NUB1: variants seen among roughly 807,000 people sequenced by gnomAD.
NUB1 encodes NEDD8 ultimate buster 1.
NUB1 carries 41 observed loss-of-function variants against 77.1 expected under a neutral mutation model. The observed-to-expected ratio is 0.53, with a 90% CI of 0.41 to 0.69. NUB1 has a LOEUF of 0.69. Ranked by LOEUF, NUB1 falls within the 30% of genes least tolerant of loss-of-function variation. The pLI is 0.00. For missense variants in NUB1, 643 were observed against 743.8 expected (o/e 0.86, Z 1.58); for synonymous variants, 257 against 281.0 (o/e 0.91, Z 0.85).
chr7:151,364,570 G>A (rs1199017779), intron 8 of NUB1, among the ~76,000 whole-genome samples: 1 of 152,032 alleles, frequency 6.6e-6, no homozygotes, highest in Non-Finnish European at 1.5e-5. Flanking sequence ...TGTCGCCCAC[G>A]CTGGAGTGCA....
chr7:151,374,165 G>C lies in NUB1; in HGVS notation c.1317G>C (p.Leu439=). 2 of 1,576,894 alleles carry C rather than the reference G, an allele frequency of 1.3e-6. No homozygotes were observed. Among genetic ancestry groups the C allele is most frequent in the South Asian group, 2.3e-5 (2 of 85,680 alleles). The change falls in exon 12 of 15, where the codon CTG becomes CTC. Residue 439 remains leucine, a synonymous_variant. Coordinates refer to ENST00000568733, the MANE Select transcript of NUB1 (RefSeq NM_001243351.2). ...KRRRLENIRF[L]KGMGYSTHAA... The stretch of plus-strand genomic sequence containing the variant: ...GCCGCCTCGAGAACATCAGGTTTCT[G>C]AAAGGGATGGGCTACTCCACGCACG...
intron 10 of NUB1, among the ~76,000 whole-genome samples, chr7:151,368,349 G>A (rs1389874095): frequency 6.6e-6 from 1 of 152,174 alleles, no homozygotes; most frequent in African/African-American, 2.4e-5. Context: ...AGATGACCCC[G>A]CAGCTGCACC....
At chr7:151,374,410 G>A (rs1284759437) in intron 12 of NUB1, 167 bp downstream of exon 12, 18 of 813,352 alleles carry the variant, frequency 2.2e-5, no homozygotes, top group African/African-American at 3.4e-5. Context: ...CACAGGCTGC[G>A]TGAGGCCACG....
In NUB1 at chr7:151,377,329, C is replaced by T. The variant is rs1798348081; in HGVS notation, c.*104C>T. 4.0e-6 allele frequency: 3 copies of T among 758,392 alleles called. No individual in the cohort carries two copies. Among genetic ancestry groups the T allele is most frequent in the South Asian group, 2.1e-5 (1 of 47,026 alleles). 47.0% of individuals were successfully genotyped at this position (758,392 alleles called of 1,614,324 possible). On this transcript the variant is annotated 3_prime_UTR_variant, in exon 15 of 15. Coordinates refer to ENST00000568733, the MANE Select transcript of NUB1 (RefSeq NM_001243351.2). Reference sequence around the variant, plus strand: ...TTACTTTTTATCTGAATTACAAGTCCTCTTTGGGTGTAGGAGGGGGTGGGC... The same window carrying T: ...TTACTTTTTATCTGAATTACAAGTCTTCTTTGGGTGTAGGAGGGGGTGGGC...
At chr7:151,351,359 C>A in intron 3 of NUB1, 65 bp from the exon 4 acceptor site, 1 of 1,218,420 alleles carries the variant, frequency 8.2e-7, no homozygotes, top group Non-Finnish European at 1.2e-6. Flanking sequence ...TTTCTGATTT[C>A]ACAGGGTAAT....
chr7:151,368,509 A>C (rs1474123273), intron 10 of NUB1, among the ~76,000 whole-genome samples: 1 of 152,224 alleles, frequency 6.6e-6, no homozygotes, highest in Non-Finnish European at 1.5e-5. Context: ...TGCAACACCC[A>C]GCCTCTTACC....
In NUB1 at chr7:151,377,317, G is replaced by GAATT. The variant is rs2150730435; in HGVS notation, c.*94_*97dup. On this transcript the variant is annotated 3_prime_UTR_variant, in exon 15 of 15. Coordinates refer to ENST00000568733, the MANE Select transcript of NUB1 (RefSeq NM_001243351.2). ...CTCTTTCTGTTCTTACTTTTTATCT[G>GAATT]AATTACAAGTCCTCTTTGGGTGTAG... 1.4e-6 allele frequency: 1 copy of GAATT among 709,948 alleles called. No homozygotes were observed. The highest frequency in any genetic ancestry group is 4.5e-5 in the East Asian group (1 of 22,368). The allele number at this position is 709,948 out of a possible 1,614,324, so 44.0% of individuals were successfully genotyped here.
Position 151,360,124 on chromosome 7 carries a change from T to C in NUB1, c.694-17T>C. 1 of 1,292,168 alleles carries C rather than the reference T, an allele frequency of 7.7e-7. No individual in the cohort carries two copies. Among genetic ancestry groups the C allele is most frequent in the Non-Finnish European group, 1.1e-6 (1 of 907,186 alleles). The allele number at this position is 1,292,168 out of a possible 1,614,324, so 80.0% of individuals were successfully genotyped here. On this transcript the variant is annotated splice_polypyrimidine_tract_variant and intron_variant, in intron 7 of 14. Transcript: ENST00000568733. ...ATATTTTAAAGTGATGTTTTTTAAA[T>C]TTGTATTTTTTCCTAGGCCCTTATG...
chr7:151,367,256 T>A (rs1193191673), intron 9 of NUB1, 131 bp downstream of exon 9: 4 of 678,228 alleles, frequency 5.9e-6, no homozygotes, highest in South Asian at 2.0e-5. Flanking sequence ...ATAGTCTTTT[T>A]AAACTATATA....
At chr7:151,350,397 C>T (rs1034110392) in intron 3 of NUB1, among the ~76,000 whole-genome samples, 1 of 152,104 alleles carries the variant, frequency 6.6e-6, no homozygotes, top group African/African-American at 2.4e-5. Context: ...CTGGCGCTAC[C>T]GCTAGACCAA....
chr7:151,345,510 C>T (rs1051230744), intron 2 of NUB1, 44 bp downstream of exon 2: 36 of 1,020,692 alleles, frequency 3.5e-5, no homozygotes, highest in Non-Finnish European at 5.2e-5. Context: ...CATTATAAAT[C>T]TCCTTGGTAA....
At position 151,366,926 on chromosome 7, in the gene NUB1, C is replaced by A. The variant is rs1244036238; in HGVS notation, c.801-13C>A. 6.4e-7 allele frequency: 1 copy of A among 1,573,380 alleles called. No homozygotes were observed. On this transcript the variant is annotated splice_polypyrimidine_tract_variant and intron_variant, in intron 8 of 14. Transcript: ENST00000568733. The stretch of plus-strand genomic sequence containing the variant: ...GCTGCTTGGCAGTGATGTCACTGTC[C>A]TTCTCTTTCCAGTGAGTGTTGCAGA...
rs541035315 is a variant in NUB1, at chr7:151,361,658, C to A, written c.800+1411C>A. ...ATTCCCAAGATAATACTGTATACTC[C>A]CAGAAGATGAATGCAAATATTTATA... On this transcript the variant is annotated intron_variant, in intron 8 of 14. Transcript: ENST00000568733. Among the ~76,000 whole-genome samples the A allele has an allele frequency of 7.2e-5, 11 of 152,198 alleles. 1 individual carries two copies. In the South Asian group the frequency reaches 2.1e-3, roughly 29 times the overall value.
intron 7 of NUB1, among the ~76,000 whole-genome samples, chr7:151,359,669 C>T (rs890003876): frequency 6.0e-5 from 9 of 150,230 alleles, no homozygotes; most frequent in African/African-American, 1.7e-4. Flanking sequence ...CCTAGCTGCT[C>T]GGCAGGCTGA....
chr7:151,356,043 C>T, intron 6 of NUB1, 85 bp from the exon 7 acceptor site: 17 of 1,542,582 alleles, frequency 1.1e-5, no homozygotes, highest in Non-Finnish European at 1.4e-5. Flanking sequence ...CTGAGTCTCA[C>T]CTCAACAGTC....
At chr7:151,358,133 C>T (rs1797175034) in intron 7 of NUB1, among the ~76,000 whole-genome samples, 1 of 151,790 alleles carries the variant, frequency 6.6e-6, no homozygotes, top group Non-Finnish European at 1.5e-5. Context: ...CGCCACCATG[C>T]CCAGCTAATT....
chr7:151,354,765 A>G (rs1796983485), intron 5 of NUB1, among the ~76,000 whole-genome samples: 1 of 152,274 alleles, frequency 6.6e-6, no homozygotes, highest in Middle Eastern at 3.4e-3. Flanking sequence ...TTATTTAGAG[A>G]TAGGGTCTCT....
chr7:151,349,026 CTTTT>C lies in NUB1; in HGVS notation c.118-39_118-36del, dbSNP rs372865814. 8 of 1,163,760 alleles carry C rather than the reference CTTTT, an allele frequency of 6.9e-6. No individual in the cohort carries two copies. In the South Asian group the frequency reaches 1.3e-4, roughly 19 times the overall value. 72.1% of individuals were successfully genotyped at this position (1,163,760 alleles called of 1,614,324 possible). On this transcript the variant is annotated intron_variant, in intron 2 of 14. Transcript: ENST00000568733. The stretch of plus-strand genomic sequence containing the variant: ...TTTCATGCCCTTTTCTATATTTTGC[CTTTT>C]TTTTTTTAAGTCAGTATTGCATTTT...
At chr7:151,342,470 G>A (rs371631312) in intron 1 of NUB1, among the ~76,000 whole-genome samples, 34 of 152,290 alleles carry the variant, frequency 2.2e-4, no homozygotes, top group African/African-American at 8.2e-4. Flanking sequence ...AATTTTTAAA[G>A]GATCGTTATA....
Sources: allele counts gnomAD v4.1 joint callset (sites outside exome capture counted in the v4.1 genomes callset), GRCh38; gene constraint gnomAD v4.1.1; transcripts MANE v1.5; gene names NCBI Gene and HGNC (gene_info 2026-07-23, HGNC 2026-07-21).